Variants in ZNF185 observed in about 807,000 individuals in gnomAD.
ZNF185 encodes zinc finger protein 185.
In ZNF185, 56 loss-of-function variants were observed where a neutral mutation model predicts 58.6. The ratio of observed to expected loss-of-function variants is 0.95; its 90% CI spans 0.77 to 1.19. ZNF185 has a LOEUF of 1.19. ZNF185 is among the 50% of genes most tolerant of loss of function. ZNF185 has a pLI of 0.00. For synonymous variants in ZNF185, 230 were observed against 215.9 expected (o/e 1.07, Z -0.57); for missense variants, 627 against 573.5 (o/e 1.09, Z -0.95).
intron 18 of ZNF185, among the ~76,000 whole-genome samples, chrX:152,964,443 G>GGAGCAGGACCATCACATGGCAC (rs2096740445): frequency 8.9e-6 from 1 of 112,576 alleles, no homozygotes; most frequent in African/African-American, 3.2e-5. Context: ...AGCCGAAGTG[G>GGAGCAGGACCATCACATGGCAC]GAGCAGGACC....
At chrX:152,903,943 G>A in the ZNF185 span, among the ~76,000 whole-genome samples, 2 of 111,864 alleles carry the variant, frequency 1.8e-5, no homozygotes, top group South Asian at 7.6e-4. Flanking sequence ...AAGTCTAGAT[G>A]CTGGGGTGTT....
At chrX:152,924,349 G>C (rs1940412646) in intron 11 of ZNF185, among the ~76,000 whole-genome samples, 1 of 110,740 alleles carries the variant, frequency 9.0e-6, no homozygotes, top group Admixed American at 9.6e-5. Context: ...TGGAACTCTA[G>C]GACTCAAATG....
intron 11 of ZNF185, among the ~76,000 whole-genome samples, chrX:152,927,648 C>T (rs782410865): frequency 4.5e-5 from 5 of 112,024 alleles, no homozygotes; most frequent in South Asian, 3.7e-4. Flanking sequence ...TGGCCTGGGT[C>T]GGGCTATGCC....
chrX:152,954,125 A>G (rs2048567091), intron 16 of ZNF185, among the ~76,000 whole-genome samples: 1 of 109,969 alleles, frequency 9.1e-6, no homozygotes, highest in Non-Finnish European at 1.9e-5. Flanking sequence ...TACAAAAAAC[A>G]TCACAAAATA....
chrX:152,941,898 A>G lies in ZNF185; in HGVS notation c.1212-3369A>G, dbSNP rs1046058346. 25 of 1,070,432 alleles carry G rather than the reference A, an allele frequency of 2.3e-5. No homozygotes were observed. In the African/African-American group the frequency reaches 3.9e-4, roughly 17 times the overall value. The allele number at this position is 1,070,432 out of a possible 1,213,427, so 88.2% of individuals were successfully genotyped here. On this transcript the variant is annotated intron_variant, in intron 15 of 22. Transcript: ENST00000449285. ...CGCGTGGACCGTCGCCGGCGGGAGG[A>G]AGCGCGGTCCCGCGAGGGGCCGAAC...
intron 2 of ZNF185, 93 bp downstream of exon 3, chrX:152,914,926 C>G (rs1178439078): frequency 9.3e-7 from 1 of 1,073,080 alleles, no homozygotes; most frequent in Non-Finnish European, 1.2e-6. Context: ...GGGGCTTCCA[C>G]CATTCAGAGC....
At chrX:152,919,110 CG>C in intron 7 of ZNF185, 29 bp downstream of exon 8, 1 of 1,128,481 alleles carries the variant, frequency 8.9e-7, no homozygotes, top group Non-Finnish European at 1.2e-6. Context: ...TTGGGCATCC[CG>C]GGGGGCAGGG....
intron 11 of ZNF185, among the ~76,000 whole-genome samples, chrX:152,924,035 G>A (rs1940333006): frequency 8.9e-6 from 1 of 111,845 alleles, no homozygotes. Context: ...TTCCTCTTGA[G>A]TCTCTCTCCT....
chrX:152,965,728 C>T (rs369592923), intron 19 of ZNF185, among the ~76,000 whole-genome samples: 2 of 110,252 alleles, frequency 1.8e-5, no homozygotes, highest in African/African-American at 3.3e-5. Context: ...TTCTCCCTTC[C>T]GGTGAATTCA....
chrX:152,926,034 G>A (rs1364164247), intron 11 of ZNF185, among the ~76,000 whole-genome samples: 1 of 112,339 alleles, frequency 8.9e-6, no homozygotes, highest in Non-Finnish European at 1.9e-5. Context: ...TGCTTTACCC[G>A]AAGCACTGGT....
intron 5 of ZNF185, 144 bp from the exon 7 acceptor site, chrX:152,917,921 G>A (rs1174784286): frequency 2.7e-6 from 3 of 1,105,584 alleles, no homozygotes; most frequent in Non-Finnish European, 2.4e-6. Context: ...GCGCAGTTCC[G>A]GGTGTCTGTC....
At chrX:152,971,838 C>G (rs3827418) in exon 23 of ZNF185, 26,417 of 111,528 alleles carry the variant, frequency 0.24, 2,371 homozygotes, top group South Asian at 0.39. Context: ...TTTGGTCTTC[C>G]ACTCACCTTT....
chrX:152,963,151 C>T (rs191902381), intron 17 of ZNF185, among the ~76,000 whole-genome samples: 7 of 112,919 alleles, frequency 6.2e-5, no homozygotes, highest in East Asian at 2.8e-4. Context: ...TTGACAGCTA[C>T]GGCAGCTTTG....
chrX:152,966,742 A>G (rs971121147), intron 19 of ZNF185, among the ~76,000 whole-genome samples: 1 of 111,677 alleles, frequency 9.0e-6, no homozygotes, highest in Non-Finnish European at 1.9e-5. Context: ...TGTCTCCCCA[A>G]AAAGAAACTC....
intron 15 of ZNF185, chrX:152,941,683 G>T: frequency 8.6e-7 from 1 of 1,163,071 alleles, no homozygotes; most frequent in Non-Finnish European, 1.1e-6. Context: ...TGCCCGCCGG[G>T]AAAATGCGAC....
intron 16 of ZNF185, among the ~76,000 whole-genome samples, chrX:152,951,649 G>T (rs1160888480): frequency 9.0e-6 from 1 of 111,150 alleles, no homozygotes; most frequent in African/African-American, 3.3e-5. Context: ...AAAACAGGAG[G>T]TAGGTAATTT....
At chrX:152,904,412 G>C in the ZNF185 span, among the ~76,000 whole-genome samples, 1 of 112,855 alleles carries the variant, frequency 8.9e-6, no homozygotes, top group East Asian at 2.8e-4. Flanking sequence ...CCTTCCCAGA[G>C]GAAAGCAACC....
intron 16 of ZNF185, among the ~76,000 whole-genome samples, chrX:152,955,803 G>T (rs943926914): frequency 9.0e-6 from 1 of 110,725 alleles, no homozygotes; most frequent in Non-Finnish European, 1.9e-5. Flanking sequence ...TCGGGAGGCT[G>T]AGGCAAGAGA....
At chrX:152,964,240 G>T (rs2049876055) in intron 18 of ZNF185, among the ~76,000 whole-genome samples, 1 of 112,956 alleles carries the variant, frequency 8.9e-6, no homozygotes, top group African/African-American at 3.2e-5. Context: ...CCATGCCTGG[G>T]AAGCCAGCTC....
Sources: gnomAD v4.1 joint callset for allele counts (sites outside exome capture counted in the v4.1 genomes callset) on GRCh38, gnomAD v4.1.1 for gene constraint, MANE v1.5 for transcripts, NCBI Gene and HGNC (gene_info 2026-07-23, HGNC 2026-07-21) for gene names.